The following PDE4B variants were observed in gnomAD, a reference collection of about 807,000 sequenced individuals.
The protein encoded by PDE4B is phosphodiesterase 4B.
A neutral mutation model predicts 82.2 loss-of-function variants in PDE4B; 20 were observed. That is an observed-to-expected ratio of 0.24 (90% CI 0.17 to 0.35). The LOEUF (loss-of-function observed/expected upper bound fraction) is 0.35, where lower values mean the gene tolerates loss of function less well. PDE4B is among the 10% of genes least tolerant of loss of function. The pLI, the probability that PDE4B is intolerant of heterozygous loss-of-function variation, is 1.00. For synonymous variants in PDE4B, 320 were observed against 318.9 expected, an observed-to-expected ratio of 1.00 and a Z score of -0.04; for missense variants, 655 against 907.2, an observed-to-expected ratio of 0.72 and a Z score of 3.57.
chr1:66,126,418 C>A (rs1645824963), intron 3 of PDE4B, among the ~76,000 whole-genome samples: 1 of 152,196 alleles, frequency 6.6e-6, no homozygotes, highest in Non-Finnish European at 1.5e-5. Flanking sequence ...TACCCCCCTA[C>A]ACATTTTTAA....
intron 3 of PDE4B, among the ~76,000 whole-genome samples, chr1:66,193,684 G>A (rs1648018728): frequency 6.6e-6 from 1 of 152,094 alleles, no homozygotes; most frequent in African/African-American, 2.4e-5. Context: ...AGAAACATTG[G>A]TCAAGGTATG....
intron 3 of PDE4B, among the ~76,000 whole-genome samples, chr1:66,056,869 C>G (rs1655331876): frequency 6.6e-6 from 1 of 152,154 alleles, no homozygotes; most frequent in Non-Finnish European, 1.5e-5. Context: ...GATACCTTGA[C>G]TTTTACCCAG....
At chr1:66,086,791 A>C (rs559431631) in intron 3 of PDE4B, among the ~76,000 whole-genome samples, 1 of 152,184 alleles carries the variant, frequency 6.6e-6, no homozygotes, top group Non-Finnish European at 1.5e-5. Flanking sequence ...TAGGACAATT[A>C]ATTCCTACCA....
At chr1:66,098,717 C>G (rs1406345955) in intron 3 of PDE4B, among the ~76,000 whole-genome samples, 3 of 152,114 alleles carry the variant, frequency 2.0e-5, no homozygotes, top group African/African-American at 4.8e-5. Context: ...ATGGGCGTAC[C>G]TGTTGCTAAA....
intron 1 of PDE4B, among the ~76,000 whole-genome samples, chr1:65,907,100 C>T (rs1647035441): frequency 6.6e-6 from 1 of 151,966 alleles, no homozygotes; most frequent in Admixed American, 6.6e-5. Flanking sequence ...ACTTTTTTCC[C>T]CTCAAATTTA....
intron 3 of PDE4B, among the ~76,000 whole-genome samples, chr1:66,188,750 C>T (rs1451755437): frequency 3.3e-5 from 5 of 151,710 alleles, no homozygotes; most frequent in Non-Finnish European, 5.9e-5. Flanking sequence ...GATGGGTTTC[C>T]TGAATACAGC....
At chr1:66,304,093 G>A (rs1658099730) in intron 7 of PDE4B, among the ~76,000 whole-genome samples, 1 of 152,050 alleles carries the variant, frequency 6.6e-6, no homozygotes, top group Non-Finnish European at 1.5e-5. Context: ...GTACCTACAT[G>A]TACAAAATCC....
At chr1:66,135,163 CATATCAATAT>C (rs1038447790) in intron 3 of PDE4B, among the ~76,000 whole-genome samples, 1 of 152,076 alleles carries the variant, frequency 6.6e-6, no homozygotes, top group African/African-American at 2.4e-5. Context: ...GGTGGACAGA[CATATCAATAT>C]AGCTGGCACT....
intron 8 of PDE4B, among the ~76,000 whole-genome samples, chr1:66,341,078 T>C (rs1458732243): frequency 6.6e-6 from 1 of 152,216 alleles, no homozygotes; most frequent in Non-Finnish European, 1.5e-5. Flanking sequence ...GAGCCTTAAG[T>C]ATTATTTTCT....
chr1:66,348,410 C>G (rs996041638), intron 8 of PDE4B, among the ~76,000 whole-genome samples: 6 of 151,634 alleles, frequency 4.0e-5, no homozygotes, highest in African/African-American at 1.5e-4. Flanking sequence ...CTTTTTTTGT[C>G]TTTCTCTATT....
intron 3 of PDE4B, among the ~76,000 whole-genome samples, chr1:66,079,966 T>A (rs553054507): frequency 6.6e-6 from 1 of 152,266 alleles, no homozygotes; most frequent in African/African-American, 2.4e-5. Context: ...CCTGCTGTTT[T>A]AAACGTTTAT....
chr1:65,872,966 C>T (rs1006505341), intron 1 of PDE4B, among the ~76,000 whole-genome samples: 2 of 152,148 alleles, frequency 1.3e-5, no homozygotes, highest in Non-Finnish European at 2.9e-5. Flanking sequence ...TCCACATCTT[C>T]ATATGCAAAT....
intron 3 of PDE4B, among the ~76,000 whole-genome samples, chr1:66,189,738 T>C (rs1393322291): frequency 6.6e-6 from 1 of 151,394 alleles, no homozygotes; most frequent in African/African-American, 2.4e-5. Flanking sequence ...ATTCATCTAA[T>C]TTTTTTTTCA....
intron 3 of PDE4B, among the ~76,000 whole-genome samples, chr1:65,988,487 G>A (rs536017330): frequency 6.6e-6 from 1 of 152,102 alleles, no homozygotes; most frequent in Non-Finnish European, 1.5e-5. Flanking sequence ...TGAAGGAAGG[G>A]ATCTTGTATA....
chr1:66,333,580 G>A (rs905602060), intron 8 of PDE4B, among the ~76,000 whole-genome samples: 3 of 152,128 alleles, frequency 2.0e-5, no homozygotes, highest in South Asian at 2.1e-4. Flanking sequence ...TGTTGTCTAC[G>A]TTTCTGGGGC....
intron 3 of PDE4B, among the ~76,000 whole-genome samples, chr1:66,000,868 A>C (rs1272549497): frequency 1.3e-5 from 2 of 152,136 alleles, no homozygotes; most frequent in East Asian, 3.9e-4. Context: ...TTTTCTGGAA[A>C]ATCAGTGATC....
intron 3 of PDE4B, among the ~76,000 whole-genome samples, chr1:66,081,366 A>G (rs964440816): frequency 2.0e-5 from 3 of 152,124 alleles, no homozygotes; most frequent in Admixed American, 6.6e-5. Context: ...AGAATCTTAC[A>G]TAGATGATAT....
intron 3 of PDE4B, among the ~76,000 whole-genome samples, chr1:66,091,050 T>A (rs1645013042): frequency 6.6e-6 from 1 of 152,034 alleles, no homozygotes; most frequent in Non-Finnish European, 1.5e-5. Context: ...CACAGTGCCC[T>A]TGACAGCACC....
chr1:65,838,593 A>G (rs1010181245), intron 1 of PDE4B, among the ~76,000 whole-genome samples: 2 of 148,208 alleles, frequency 1.3e-5, no homozygotes, highest in African/African-American at 4.9e-5. Context: ...ATATATATGT[A>G]TATGTATCTA....
Sources: gnomAD v4.1 joint callset for allele counts (sites outside exome capture counted in the v4.1 genomes callset) on GRCh38, gnomAD v4.1.1 for gene constraint, MANE v1.5 for transcripts, NCBI Gene and HGNC (gene_info 2026-07-23, HGNC 2026-07-21) for gene names.